The following RALB variants were observed in gnomAD, a reference collection of about 807,000 sequenced individuals.
The protein encoded by RALB is RAS like proto-oncogene B.
Under a neutral mutation model 21.3 loss-of-function variants are expected in RALB, and 16 were observed. The observed-to-expected ratio is 0.75, with a 90% CI of 0.51 to 1.14. The LOEUF (loss-of-function observed/expected upper bound fraction) is 1.14. Among genes scored for constraint, RALB ranks in the 50% most tolerant of loss-of-function variants. The pLI, the probability that RALB is intolerant of heterozygous loss-of-function variation, is 0.00. For missense variants in RALB, 161 were observed against 256.2 expected (o/e 0.63, Z 2.54); for synonymous variants, 93 against 96.1 (o/e 0.97, Z 0.19).
At chr2:120,265,367 C>T (rs1689477586) in intron 1 of RALB, among the ~76,000 whole-genome samples, 1 of 152,304 alleles carries the variant, frequency 6.6e-6, no homozygotes, top group Non-Finnish European at 1.5e-5. Flanking sequence ...AGTAACAGTA[C>T]AGTACTATAA....
intron 1 of RALB, chr2:120,253,545 T>TA: frequency 1.0e-6 from 1 of 985,548 alleles, no homozygotes. Flanking sequence ...AAGGGGCTTC[T>TA]AAGGGGAAGC....
At chr2:120,259,900 G>T (rs1689314130) in intron 1 of RALB, among the ~76,000 whole-genome samples, 1 of 152,222 alleles carries the variant, frequency 6.6e-6, no homozygotes, top group Non-Finnish European at 1.5e-5. Context: ...TGCCCCGTGG[G>T]AAGGCAGCCA....
At chr2:120,280,774 C>A in intron 2 of RALB, 3 of 351,322 alleles carry the variant, frequency 8.5e-6, no homozygotes, top group South Asian at 2.1e-5. Flanking sequence ...GCTGTCAGAA[C>A]AAAAGACATT....
upstream of RALB, among the ~76,000 whole-genome samples, chr2:120,252,605 C>G (rs768594963): frequency 5.9e-5 from 9 of 152,216 alleles, no homozygotes; most frequent in African/African-American, 2.2e-4. Flanking sequence ...GCTGCGTGTC[C>G]GAGGGGCAGA....
At chr2:120,246,532 C>T (rs1688973623) in intron 1 of RALB, among the ~76,000 whole-genome samples, 2 of 152,234 alleles carry the variant, frequency 1.3e-5, no homozygotes. Flanking sequence ...TCCTTTCCTT[C>T]CTCCTCCCCC....
chr2:120,285,245 A>G (rs777042309), intron 2 of RALB, among the ~76,000 whole-genome samples: 16 of 152,124 alleles, frequency 1.1e-4, no homozygotes, highest in African/African-American at 2.4e-4. Context: ...CGAACTCACT[A>G]TCACAAGAAC....
At chr2:120,283,034 C>A (rs1418710966) in intron 2 of RALB, among the ~76,000 whole-genome samples, 4 of 151,984 alleles carry the variant, frequency 2.6e-5, no homozygotes, top group Non-Finnish European at 5.9e-5. Context: ...AAAAAAAACA[C>A]CTCCTGAATA....
At chr2:120,275,416 G>C (rs959733697) in intron 1 of RALB, among the ~76,000 whole-genome samples, 3 of 152,198 alleles carry the variant, frequency 2.0e-5, no homozygotes, top group African/African-American at 7.2e-5. Flanking sequence ...GCTCAGCTGT[G>C]CATTTAAGAG....
At chr2:120,281,401 G>T (rs924280435) in intron 2 of RALB, among the ~76,000 whole-genome samples, 1 of 152,144 alleles carries the variant, frequency 6.6e-6, no homozygotes, top group Non-Finnish European at 1.5e-5. Context: ...GTCACCCGGG[G>T]GTGAGATCGC....
chr2:120,289,578 A>G lies in RALB; in HGVS notation c.324-2A>G, dbSNP rs773933186. 17 of 1,613,336 alleles carry G rather than the reference A, an allele frequency of 1.1e-5. No homozygotes were observed. Among genetic ancestry groups the G allele is most frequent in the Non-Finnish European group, 5.1e-6 (6 of 1,179,572 alleles). ...TGCTGTATTTTTGGTGTAACACCTTAGGGAACAGATTCTCCGTGTGAAGGC... is the reference window on the plus strand; with the variant it reads ...TGCTGTATTTTTGGTGTAACACCTTGGGGAACAGATTCTCCGTGTGAAGGC... On this transcript the variant is annotated splice_acceptor_variant, in intron 3 of 4. Transcript: ENST00000272519. LOFTEE classifies it high-confidence loss of function.
chr2:120,252,204 G>A (rs1689069880), upstream of RALB, among the ~76,000 whole-genome samples: 2 of 152,092 alleles, frequency 1.3e-5, no homozygotes, highest in Admixed American at 6.5e-5. Flanking sequence ...ACGTTCCTGG[G>A]CTTTGGCAGG....
chr2:120,279,055 A>AG (rs1689919436), intron 2 of RALB, among the ~76,000 whole-genome samples: 1 of 152,202 alleles, frequency 6.6e-6, no homozygotes, highest in African/African-American at 2.4e-5. Flanking sequence ...ACAAAAGCCC[A>AG]GGGGAGGAGA....
intron 1 of RALB, among the ~76,000 whole-genome samples, chr2:120,275,942 A>G (rs937974456): frequency 6.6e-6 from 1 of 152,220 alleles, no homozygotes; most frequent in South Asian, 2.1e-4. Flanking sequence ...GGGTTTTTAC[A>G]GATGTGCTAG....
Position 120,269,772 on chromosome 2 carries a change from T to C in RALB, c.-47-8846T>C, listed in dbSNP as rs1689616354. On this transcript the variant is annotated intron_variant, in intron 1 of 4. Transcript: ENST00000272519. ...CATTGATGGAAATTTTAAAGATTAT[T>C]ATAGCATTCTTTTTAGTGACAAAAA... Among the ~76,000 whole-genome samples the C allele has an allele frequency of 2.0e-5, 3 of 152,368 alleles. No homozygotes were observed. The South Asian group carries it at 6.2e-4, about 32-fold the overall frequency.
At chr2:120,271,006 T>C (rs1689651197) in intron 1 of RALB, among the ~76,000 whole-genome samples, 1 of 152,206 alleles carries the variant, frequency 6.6e-6, no homozygotes, top group South Asian at 2.1e-4. Context: ...GCCGTAATAC[T>C]CAGGACACAG....
chr2:120,241,420 GGCT>G (rs1280543634), intron 1 of RALB, among the ~76,000 whole-genome samples: 1 of 152,202 alleles, frequency 6.6e-6, no homozygotes, highest in African/African-American at 2.4e-5. Context: ...CCCTCAGGAT[GGCT>G]GCTATTAAAA....
At chr2:120,255,617 G>A (rs1023604488) in intron 1 of RALB, among the ~76,000 whole-genome samples, 3 of 152,188 alleles carry the variant, frequency 2.0e-5, no homozygotes, top group African/African-American at 7.2e-5. Context: ...AGGTGACAGT[G>A]GAAAGAAAGA....
chr2:120,264,787 G>A (rs369393056), intron 1 of RALB, among the ~76,000 whole-genome samples: 130 of 151,960 alleles, frequency 8.6e-4, no homozygotes, highest in African/African-American at 2.9e-3. Context: ...CCTGGCAGCC[G>A]CCATTCTATC....
At position 120,263,574 on chromosome 2, in the gene RALB, T is replaced by C. The variant is rs1014738511; in HGVS notation, c.-48+10594T>C. Among the ~76,000 whole-genome samples, 9 of 152,088 alleles carry C rather than the reference T, an allele frequency of 5.9e-5. No homozygotes were observed. In the South Asian group the frequency reaches 1.9e-3, roughly 32 times the overall value. ...ATAGCCCTCCTGTATTTCATTTTAT[T>C]TTTGAGACGAAGTCTCGCTCTGTCA... On this transcript the variant is annotated intron_variant, in intron 1 of 4. Transcript: ENST00000272519.
Sources: allele counts gnomAD v4.1 joint callset (sites outside exome capture counted in the v4.1 genomes callset), GRCh38; gene constraint gnomAD v4.1.1; transcripts MANE v1.5; gene names NCBI Gene and HGNC (gene_info 2026-07-23, HGNC 2026-07-21).